Variants in PLCB4 observed in about 807,000 individuals in gnomAD.
PLCB4 encodes 1-phosphatidylinositol 4,5-bisphosphate phosphodiesterase beta-4.
A neutral mutation model predicts 178.8 loss-of-function variants in PLCB4; 77 were observed. The observed-to-expected ratio is 0.43, with a 90% confidence interval of 0.36 to 0.52. The LOEUF is 0.52. Ranked by LOEUF, PLCB4 falls within the 20% of genes least tolerant of loss-of-function variation. The pLI is 0.00. For missense variants in PLCB4, 1,024 were observed against 1,453.4 expected, an observed-to-expected ratio of 0.70 and a Z score of 4.80; for synonymous variants, 496 against 490.8, an observed-to-expected ratio of 1.01 and a Z score of -0.14.
At chr20:9,284,228 T>C (rs2094518162) in intron 3 of PLCB4, among the ~76,000 whole-genome samples, 1 of 151,940 alleles carries the variant, frequency 6.6e-6, no homozygotes, top group South Asian at 2.1e-4. Flanking sequence ...ATCTTAGATA[T>C]GGTGACATTT....
intron 2 of PLCB4, among the ~76,000 whole-genome samples, chr20:9,172,414 C>T (rs909650900): frequency 1.3e-5 from 2 of 152,196 alleles, no homozygotes; most frequent in South Asian, 2.1e-4. Context: ...GCTTTCCTCA[C>T]TGCTATAAGT....
chr20:9,260,107 A>G (rs2094282087), intron 3 of PLCB4, among the ~76,000 whole-genome samples: 1 of 152,060 alleles, frequency 6.6e-6, no homozygotes, highest in Non-Finnish European at 1.5e-5. Context: ...AAGAGCCTTT[A>G]TATTATATTT....
intron 7 of PLCB4, among the ~76,000 whole-genome samples, chr20:9,343,601 GTCTTT>G (rs1368281619): frequency 1.3e-5 from 2 of 152,170 alleles, no homozygotes; most frequent in Non-Finnish European, 2.9e-5. Context: ...AGCTCACCTT[GTCTTT>G]TCTTCAGCTT....
chr20:9,473,805 G>A (rs1248826051), intron 38 of PLCB4, among the ~76,000 whole-genome samples: 1 of 152,136 alleles, frequency 6.6e-6, no homozygotes, highest in Non-Finnish European at 1.5e-5. Flanking sequence ...GGACTTACAG[G>A]TGGTATCTAA....
At chr20:9,307,494 T>TATATATACAC (rs1396442853) in intron 3 of PLCB4, among the ~76,000 whole-genome samples, 4 of 138,180 alleles carry the variant, frequency 2.9e-5, no homozygotes, top group African/African-American at 1.1e-4. Flanking sequence ...AAAAAAAGAA[T>TATATATACAC]ACACACACAC....
chr20:9,113,967 A>G (rs2091685713), intron 2 of PLCB4, among the ~76,000 whole-genome samples: 1 of 152,020 alleles, frequency 6.6e-6, no homozygotes. Context: ...TAATCCCAGC[A>G]CTTTGGGAGG....
intron 3 of PLCB4, among the ~76,000 whole-genome samples, chr20:9,258,475 G>A (rs900385306): frequency 8.5e-5 from 13 of 152,150 alleles, no homozygotes; most frequent in South Asian, 4.2e-4. Context: ...CCAGCACTTC[G>A]TGAGGCCGAG....
chr20:9,142,077 A>G (rs1600685513), intron 2 of PLCB4, among the ~76,000 whole-genome samples: 1 of 152,110 alleles, frequency 6.6e-6, no homozygotes, highest in Non-Finnish European at 1.5e-5. Flanking sequence ...AGAGGAAGTC[A>G]TATCATAAAA....
intron 2 of PLCB4, among the ~76,000 whole-genome samples, chr20:9,212,634 A>T (rs1272627735): frequency 6.6e-6 from 1 of 152,210 alleles, no homozygotes; most frequent in Non-Finnish European, 1.5e-5. Context: ...GCTTGAAGGC[A>T]GTTCCATATG....
At chr20:9,462,455 T>C (rs1247098596) in intron 35 of PLCB4, among the ~76,000 whole-genome samples, 1 of 151,936 alleles carries the variant, frequency 6.6e-6, no homozygotes, top group Non-Finnish European at 1.5e-5. Context: ...AGGTCAGTAA[T>C]AACAAACTTC....
At chr20:9,455,367 T>G (rs2042993929) in intron 33 of PLCB4, among the ~76,000 whole-genome samples, 1 of 152,204 alleles carries the variant, frequency 6.6e-6, no homozygotes, top group Non-Finnish European at 1.5e-5. Flanking sequence ...TAAATTTCTT[T>G]GCTAAAAATA....
chr20:9,405,091 G>A (rs2039336199), intron 20 of PLCB4, among the ~76,000 whole-genome samples: 1 of 152,302 alleles, frequency 6.6e-6, no homozygotes, highest in Non-Finnish European at 1.5e-5. Flanking sequence ...AGTAGGTAAA[G>A]ACTGTCCACG....
chr20:9,190,297 T>C (rs1036385700), intron 2 of PLCB4, among the ~76,000 whole-genome samples: 1 of 151,972 alleles, frequency 6.6e-6, no homozygotes, highest in African/African-American at 2.4e-5. Context: ...AGGGAGGTGA[T>C]TGGATTGTGG....
At chr20:9,288,969 A>G (rs979221135) in intron 3 of PLCB4, among the ~76,000 whole-genome samples, 3 of 152,088 alleles carry the variant, frequency 2.0e-5, no homozygotes, top group African/African-American at 7.2e-5. Flanking sequence ...TGGCCAAAAT[A>G]TACCTTAATT....
chr20:9,071,124 GT>G (rs2089552130), intron 1 of PLCB4, among the ~76,000 whole-genome samples: 1 of 152,162 alleles, frequency 6.6e-6, no homozygotes, highest in African/African-American at 2.4e-5. Context: ...AAATATGGTA[GT>G]TGAAAAAGTG....
intron 36 of PLCB4, among the ~76,000 whole-genome samples, chr20:9,470,272 A>G (rs2044094938): frequency 6.6e-6 from 1 of 152,014 alleles, no homozygotes; most frequent in Non-Finnish European, 1.5e-5. Flanking sequence ...CGGAGGTTGC[A>G]GTGAGCCGAG....
At chr20:9,369,994 C>G (rs1179249298) in intron 9 of PLCB4, among the ~76,000 whole-genome samples, 1 of 152,208 alleles carries the variant, frequency 6.6e-6, no homozygotes, top group Non-Finnish European at 1.5e-5. Context: ...ATTACCTGGG[C>G]TTCCAATCAG....
At chr20:9,134,636 A>G (rs2092345234) in intron 2 of PLCB4, among the ~76,000 whole-genome samples, 1 of 152,048 alleles carries the variant, frequency 6.6e-6, no homozygotes, top group African/African-American at 2.4e-5. Context: ...TCCAATACCC[A>G]CAGTTCTGTT....
At chr20:9,400,587 G>A (rs914477435) in intron 19 of PLCB4, among the ~76,000 whole-genome samples, 35 of 152,114 alleles carry the variant, frequency 2.3e-4, no homozygotes, top group Non-Finnish European at 3.7e-4. Context: ...CTCATGCCCT[G>A]TGGTGTGACC....
Sources: allele counts gnomAD v4.1 joint callset (sites outside exome capture counted in the v4.1 genomes callset), GRCh38; gene constraint gnomAD v4.1.1; transcripts MANE v1.5; gene names NCBI Gene and HGNC (gene_info 2026-07-23, HGNC 2026-07-21).